ALPK1: variants seen among roughly 807,000 people sequenced by gnomAD.
ALPK1 encodes alpha-protein kinase 1.
Under a neutral mutation model 120.6 loss-of-function variants are expected in ALPK1, and 110 were observed. The ratio of observed to expected loss-of-function variants is 0.91; its 90% CI spans 0.78 to 1.07. ALPK1 has a LOEUF of 1.07. ALPK1 is among the 50% of genes least tolerant of loss of function. ALPK1 has a pLI of 0.00. For synonymous variants in ALPK1, 582 were observed against 560.3 expected (o/e 1.04, Z -0.55); for missense variants, 1,498 against 1,483.9 (o/e 1.01, Z -0.16).
At chr4:112,320,216 C>A (rs186974451) in intron 2 of ALPK1, among the ~76,000 whole-genome samples, 37 of 152,138 alleles carry the variant, frequency 2.4e-4, no homozygotes, top group African/African-American at 7.2e-4. Context: ...ATGGTATGCC[C>A]CTTCTATGCC....
chr4:112,387,535 T>A (rs963459043), intron 4 of ALPK1, among the ~76,000 whole-genome samples: 6 of 152,204 alleles, frequency 3.9e-5, no homozygotes, highest in Non-Finnish European at 8.8e-5. Flanking sequence ...TCTGAGGACA[T>A]GAAGCAGGCT....
chr4:112,402,848 A>G (rs897849143), intron 4 of ALPK1, among the ~76,000 whole-genome samples: 10 of 152,184 alleles, frequency 6.6e-5, no homozygotes, highest in African/African-American at 2.4e-4. Context: ...TCATCCCAAC[A>G]CTAAAACTGT....
intron 2 of ALPK1, among the ~76,000 whole-genome samples, chr4:112,322,856 T>C (rs1728919130): frequency 6.6e-6 from 1 of 152,188 alleles, no homozygotes; most frequent in Admixed American, 6.5e-5. Context: ...AATTAACAGA[T>C]TCATGGAAAT....
intron 5 of ALPK1, among the ~76,000 whole-genome samples, chr4:112,420,497 G>C (rs1733940543): frequency 6.6e-6 from 1 of 152,160 alleles, no homozygotes; most frequent in East Asian, 1.9e-4. Flanking sequence ...AGTCTTCTCA[G>C]GTACTTCTTC....
At chr4:112,425,904 C>A in intron 7 of ALPK1, 153 bp downstream of exon 7, 1 of 545,084 alleles carries the variant, frequency 1.8e-6, no homozygotes, top group Non-Finnish European at 3.3e-6. Flanking sequence ...ATTTAAGATC[C>A]TAGGAGTGTC....
At chr4:112,387,389 G>T (rs182698578) in intron 4 of ALPK1, among the ~76,000 whole-genome samples, 17 of 152,316 alleles carry the variant, frequency 1.1e-4, no homozygotes, top group African/African-American at 3.6e-4. Context: ...GCACAGGTTT[G>T]GGGGTCCTGA....
Position 112,431,960 on chromosome 4 carries a change from G to T in ALPK1, c.2413G>T (p.Val805Phe), listed in dbSNP as rs776010243. The T allele has an allele frequency of 1.9e-6, 3 of 1,614,068 alleles. No homozygotes were observed. Among genetic ancestry groups the T allele is most frequent in the Admixed American group, 3.3e-5 (2 of 60,020 alleles). ...AGATGCACCCTTAGACTTTCACAGG[G>T]TCCTGCACAATTCTCTGGGAAACAT... is the stretch of plus-strand genomic sequence containing the variant. Reference protein sequence around the residue: ...TEDAPLDFHRVLHNSLGNISM... With the variant: ...TEDAPLDFHRFLHNSLGNISM... Residue 805 changes from valine to phenylalanine, a missense_variant, in exon 11 of 16, where the codon GTC becomes TTC. Coordinates refer to ENST00000650871, the MANE Select transcript of ALPK1 (RefSeq NM_025144.4).
rs1036795863 is a variant in ALPK1, at chr4:112,441,489, A to G, written c.*279A>G. 4.4e-6 allele frequency: 2 copies of G among 455,076 alleles called. No homozygotes were observed. The highest frequency in any genetic ancestry group is 7.8e-6 in the Non-Finnish European group (2 of 254,998). 28.2% of individuals were successfully genotyped at this position (455,076 alleles called of 1,614,324 possible). Reference sequence around the variant, plus strand: ...CTCTTGAGAAAGGCATGTGTTGTTTAAGCCATTGAGATTTTAGAGCTTTTT... The same window carrying G: ...CTCTTGAGAAAGGCATGTGTTGTTTGAGCCATTGAGATTTTAGAGCTTTTT... On this transcript the variant is annotated 3_prime_UTR_variant, in exon 16 of 16. Transcript: ENST00000650871.
intron 2 of ALPK1, among the ~76,000 whole-genome samples, chr4:112,373,324 C>T (rs1731501524): frequency 6.6e-6 from 1 of 152,176 alleles, no homozygotes; most frequent in African/African-American, 2.4e-5. Flanking sequence ...TTTGCAATAG[C>T]AGTATGAGGA....
chr4:112,389,192 G>A (rs983798707), intron 4 of ALPK1, among the ~76,000 whole-genome samples: 5 of 151,920 alleles, frequency 3.3e-5, no homozygotes, highest in Admixed American at 6.6e-5. Context: ...CTACAGGCAC[G>A]CACCACCACT....
intron 2 of ALPK1, among the ~76,000 whole-genome samples, chr4:112,325,970 G>A (rs1168794068): frequency 6.6e-6 from 1 of 152,112 alleles, no homozygotes; most frequent in East Asian, 1.9e-4. Flanking sequence ...CTTACTCAAA[G>A]CCTCCCCTCA....
rs1038996228 is a variant in ALPK1, at chr4:112,430,935, A to G, written c.1388A>G (p.His463Arg). Residue 463 changes from histidine to arginine, a missense_variant, in exon 11 of 16, where the codon CAT becomes CGT. By Grantham distance (29) the His-to-Arg change is conservative (BLOSUM62 0). Coordinates refer to ENST00000650871, the MANE Select transcript of ALPK1 (RefSeq NM_025144.4). ...QKILDTYSQH[H>R]TSVCEVFESD... ...ATCCTTGACACCTATTCACAGCACC[A>G]TACTTCGGTGTGTGAAGTATTTGAA... is the stretch of plus-strand genomic sequence containing the variant. 5.6e-6 allele frequency: 9 copies of G among 1,614,084 alleles called. No homozygotes were observed. The East Asian group carries it at 1.6e-4, about 28-fold the overall frequency.
intron 2 of ALPK1, among the ~76,000 whole-genome samples, chr4:112,337,658 A>G (rs1032324471): frequency 6.6e-6 from 1 of 152,234 alleles, no homozygotes; most frequent in African/African-American, 2.4e-5. Flanking sequence ...AGCTACAATC[A>G]TGCCACTCCA....
At position 112,423,090 on chromosome 4, in the gene ALPK1, ATACAACCTACCACAGCCAGAGTGTATGTC is replaced by A. The variant is rs796820840; in HGVS notation, c.476-850_476-822del. ...TATACTGGTGTGGTCTTTTTTGGAA[ATACAACCTACCACAGCCAGAGTGTATGTC>A]TACGTATGTAATTTAAAATAAGATG... On this transcript the variant is annotated intron_variant, in intron 5 of 15. Transcript: ENST00000650871. Among the ~76,000 whole-genome samples the A allele has an allele frequency of 1.3e-4, 20 of 152,336 alleles. 1 individual carries two copies. Among genetic ancestry groups the A allele is most frequent in the African/African-American group, 4.8e-4 (20 of 41,580 alleles).
At chr4:112,335,575 G>C (rs1729579820) in intron 2 of ALPK1, among the ~76,000 whole-genome samples, 3 of 152,164 alleles carry the variant, frequency 2.0e-5, no homozygotes, top group Admixed American at 1.3e-4. Context: ...ACTAATATCT[G>C]TGTGGGGTGA....
intron 5 of ALPK1, chr4:112,414,586 G>GC (rs1305470757): frequency 1.7e-5 from 3 of 174,882 alleles, no homozygotes; most frequent in Non-Finnish European, 3.8e-5. Context: ...CCAGCCTGGG[G>GC]CACAAGATCA....
chr4:112,300,817 T>A (rs1727752350), intron 1 of ALPK1, among the ~76,000 whole-genome samples: 1 of 152,214 alleles, frequency 6.6e-6, no homozygotes. Context: ...TAGTAATTTA[T>A]ATCTGCACAT....
At chr4:112,382,664 A>C (rs1023116139) in intron 4 of ALPK1, 112 bp downstream of exon 4, 2 of 1,436,598 alleles carry the variant, frequency 1.4e-6, no homozygotes, top group African/African-American at 2.8e-5. Flanking sequence ...CCCTACCCTT[A>C]TGCTCAGCTC....
intron 2 of ALPK1, among the ~76,000 whole-genome samples, chr4:112,372,306 C>T (rs1478614487): frequency 2.0e-5 from 3 of 151,732 alleles, no homozygotes; most frequent in South Asian, 4.1e-4. Context: ...CTCCACCTCC[C>T]AGGTTCATGC....
Sources: allele counts gnomAD v4.1 joint callset (sites outside exome capture counted in the v4.1 genomes callset), GRCh38; gene constraint gnomAD v4.1.1; transcripts MANE v1.5; gene names NCBI Gene and HGNC (gene_info 2026-07-23, HGNC 2026-07-21).